The following IL2RA variants were observed in gnomAD, a reference collection of about 807,000 sequenced individuals.
IL2RA encodes interleukin-2 receptor subunit alpha.
IL2RA carries 24 observed loss-of-function variants against 37.8 expected under a neutral mutation model. The observed-to-expected ratio is 0.63, with a 90% CI of 0.46 to 0.89. The LOEUF (loss-of-function observed/expected upper bound fraction) is 0.89, where lower values mean the gene tolerates loss of function less well. Ranked by LOEUF, IL2RA falls within the 40% of genes least tolerant of loss-of-function variation. The pLI, the probability that IL2RA is intolerant of heterozygous loss-of-function variation, is 0.00. For synonymous variants in IL2RA, 125 were observed against 114.6 expected (o/e 1.09, Z -0.58); for missense variants, 319 against 348.6 (o/e 0.92, Z 0.68).
At chr10:6,040,814 T>C (rs1353826044) in intron 1 of IL2RA, among the ~76,000 whole-genome samples, 1 of 152,154 alleles carries the variant, frequency 6.6e-6, no homozygotes, top group Non-Finnish European at 1.5e-5. Flanking sequence ...AAATAATCAT[T>C]CTATGTGAGG....
Position 6,018,753 on chromosome 10 carries a change from G to T in IL2RA, c.728-634C>A, listed in dbSNP as rs1839321691. Among the ~76,000 whole-genome samples, 1 of 152,130 alleles carries T rather than the reference G, an allele frequency of 6.6e-6. No homozygotes were observed. The highest frequency in any genetic ancestry group is 6.5e-5 in the Admixed American group (1 of 15,282). ...TCACAGCATCCTGTAACTGGTTCAT[G>T]CGAATTCTGAGTTACGTCAGTATCT... On this transcript the variant is annotated intron_variant, in intron 6 of 7. Transcript: ENST00000379959. The surrounding 1 kb of genome is among the most constrained non-coding windows in gnomAD (Gnocchi z 5.1).
rs41294905 is a variant in IL2RA, at chr10:6,048,283, G to A, written c.64+13805C>T. ...TTGAGGCTGGATTATTAGGTGCATG[G>A]AGGACAGCAAGGAAGAAATGAGGAT... On this transcript the variant is annotated intron_variant, in intron 1 of 7. Coordinates refer to ENST00000379959, the MANE Select transcript of IL2RA (RefSeq NM_000417.3). This position sits in a 1 kb window ranked among gnomAD's most constrained non-coding sequence, Gnocchi z 5.3. Among the ~76,000 whole-genome samples, 671 of 152,364 alleles carry A rather than the reference G, an allele frequency of 4.4e-3. 3 individuals carry two copies. The highest frequency in any genetic ancestry group is 6.7e-3 in the Non-Finnish European group (455 of 68,026).
In IL2RA at chr10:6,046,736, A is replaced by G. The variant is rs791587; in HGVS notation, c.64+15352T>C. Among the ~76,000 whole-genome samples, 77,256 of 152,000 alleles carry G rather than the reference A, an allele frequency of 0.51. 20,093 individuals are homozygous for G. The highest frequency in any genetic ancestry group is 0.68 in the East Asian group (3,511 of 5,162). ...GGTGCTCAACTATCCCTGCCTTAAC[A>G]CAAATTCTTAGTCAACACACAACAT... On this transcript the variant is annotated intron_variant, in intron 1 of 7. Transcript: ENST00000379959. The surrounding 1 kb of genome is among the most constrained non-coding windows in gnomAD (Gnocchi z 4.8).
rs1385326961 is a variant in IL2RA at position 6,022,703 on chromosome 10, A to G, written c.368-1010T>C. The stretch of plus-strand genomic sequence containing the variant: ...CAGGATAAAAGGTTGTTTGACAGCC[A>G]GTACAATTCGTAACTGTCTGAACAT... On this transcript the variant is annotated intron_variant, in intron 3 of 7. Transcript: ENST00000379959. This position sits in a 1 kb window ranked among gnomAD's most constrained non-coding sequence, Gnocchi z 4.7. 6.6e-6 allele frequency among the ~76,000 whole-genome samples: 1 copy of G among 152,264 alleles called. No homozygotes were observed. The highest frequency in any genetic ancestry group is 1.5e-5 in the Non-Finnish European group (1 of 68,044).
rs1272354206 is a variant in IL2RA, at chr10:6,055,515, TG to T, written c.64+6572del. On this transcript the variant is annotated intron_variant, in intron 1 of 7. Transcript: ENST00000379959. ...GCACATGTTTCAGAGAGCACAGGGT[TG>T]GGGGTAAGGTCACAGATCAACAGGA... is the stretch of plus-strand genomic sequence containing the variant. 4.6e-4 allele frequency among the ~76,000 whole-genome samples: 3 copies of T among 6,498 alleles called. 1 individual carries two copies. Among genetic ancestry groups the T allele is most frequent in the African/African-American group, 6.6e-4 (3 of 4,518 alleles). 4.3% of individuals were successfully genotyped at this position (6,498 alleles called of 152,430 possible). A position where few individuals can be genotyped will look rare whatever the true frequency, so the allele number is the denominator to read the frequency against.
rs1341531516 is a variant in IL2RA at position 6,014,354 on chromosome 10, G to T, written c.795-1458C>A. Among the ~76,000 whole-genome samples, 1 of 152,098 alleles carries T rather than the reference G, an allele frequency of 6.6e-6. No individual in the cohort carries two copies. Among genetic ancestry groups the T allele is most frequent in the Non-Finnish European group, 1.5e-5 (1 of 68,016 alleles). ...TCTGTTGCCACAAGAGGGCACCATG[G>T]GTTGATATCAGATTCTAGGAAGGCT... On this transcript the variant is annotated intron_variant, in intron 7 of 7. Coordinates refer to ENST00000379959, the MANE Select transcript of IL2RA (RefSeq NM_000417.3). The surrounding 1 kb of genome is among the most constrained non-coding windows in gnomAD (Gnocchi z 4.4).
Position 6,018,096 on chromosome 10 carries a change from T to C in IL2RA, c.751A>G (p.Ile251Val), listed in dbSNP as rs780433925. The C allele has an allele frequency of 6.2e-7, 1 of 1,613,900 alleles. No homozygotes were observed. The highest frequency in any genetic ancestry group is 8.5e-7 in the Non-Finnish European group (1 of 1,179,930). The stretch of plus-strand genomic sequence containing the variant: ...AGCCCACTCAGGAGGAGGACGCTGA[T>C]CAGCAGGAAAACACAGCCGGCCACT... ...VAVAGCVFLL[I>V]SVLLLSGLTW... Residue 251 changes from isoleucine to valine, a missense_variant, in exon 7 of 8, where the codon ATC becomes GTC. Coordinates refer to ENST00000379959, the MANE Select transcript of IL2RA (RefSeq NM_000417.3). This position sits in a 1 kb window ranked among gnomAD's most constrained non-coding sequence, Gnocchi z 5.1.
intron 1 of IL2RA, among the ~76,000 whole-genome samples, chr10:6,031,200 C>T (rs190040329): frequency 3.6e-4 from 55 of 151,376 alleles, no homozygotes; most frequent in Non-Finnish European, 7.4e-4. Context: ...CAGCAGGGCC[C>T]AACTATATGC....
rs910733550 is a variant in IL2RA at position 6,051,047 on chromosome 10, C to T, written c.64+11041G>A. Among the ~76,000 whole-genome samples the T allele has an allele frequency of 4.8e-5, 7 of 145,436 alleles. No homozygotes were observed. The Admixed American group carries it at 4.9e-4, about 10-fold the overall frequency. ...GAGACGGCTCTTTTATTCTGAAACA[C>T]CCCTCCAACTTTTTTTTTTTTTTGG... On this transcript the variant is annotated intron_variant, in intron 1 of 7. Coordinates refer to ENST00000379959, the MANE Select transcript of IL2RA (RefSeq NM_000417.3).
rs908130517 is a variant in IL2RA at position 6,036,885 on chromosome 10, G to A, written c.65-10860C>T. 3.3e-5 allele frequency among the ~76,000 whole-genome samples: 5 copies of A among 152,180 alleles called. No homozygotes were observed. Among genetic ancestry groups the A allele is most frequent in the East Asian group, 1.9e-4 (1 of 5,188 alleles). On this transcript the variant is annotated intron_variant, in intron 1 of 7. Transcript: ENST00000379959. This position sits in a 1 kb window ranked among gnomAD's most constrained non-coding sequence, Gnocchi z 6.1. ...GGATGCTGAGGTTGTTCGCAGCAGC[G>A]TGTGTGCAGAGCCCCCGGGATCTTG...
rs1157967278 is a variant in IL2RA at position 6,025,318 on chromosome 10, C to T, written c.256+516G>A. On this transcript the variant is annotated intron_variant, in intron 2 of 7. Coordinates refer to ENST00000379959, the MANE Select transcript of IL2RA (RefSeq NM_000417.3). This position sits in a 1 kb window ranked among gnomAD's most constrained non-coding sequence, Gnocchi z 4.4. ...GCAGTGATCTGAGATTGTACCACCGCACCCCAGCCTGGGCAACAGAGCGAG... is the reference window on the plus strand; with the variant it reads ...GCAGTGATCTGAGATTGTACCACCGTACCCCAGCCTGGGCAACAGAGCGAG... 6.6e-6 allele frequency among the ~76,000 whole-genome samples: 1 copy of T among 152,052 alleles called. No homozygotes were observed. Among genetic ancestry groups the T allele is most frequent in the Non-Finnish European group, 1.5e-5 (1 of 68,014 alleles).
chr10:6,014,446 C>G lies in IL2RA; in HGVS notation c.795-1550G>C, dbSNP rs1238141136. 6.6e-6 allele frequency among the ~76,000 whole-genome samples: 1 copy of G among 152,178 alleles called. No homozygotes were observed. The highest frequency in any genetic ancestry group is 1.5e-5 in the Non-Finnish European group (1 of 68,042). On this transcript the variant is annotated intron_variant, in intron 7 of 7. Transcript: ENST00000379959. The surrounding 1 kb of genome is among the most constrained non-coding windows in gnomAD (Gnocchi z 4.4). Reference sequence around the variant, plus strand: ...TTGAGTCTCCCCAAAGATTGTAGTTCTGGGAGACCTTGTGGGAACTCACAT... The same window carrying G: ...TTGAGTCTCCCCAAAGATTGTAGTTGTGGGAGACCTTGTGGGAACTCACAT...
rs201522266 is a variant in IL2RA at position 6,019,458 on chromosome 10, A to G, written c.697T>C (p.Ser233Pro). Reference protein sequence around the residue: ...QTEMAATMETSIFTTEYQVAV... With the variant: ...QTEMAATMETPIFTTEYQVAV... ...ACCTGGTACTCTGTTGTAAATATGG[A>G]CGTCTCCATGGTTGCAGCCATTTCT... Residue 233 changes from serine (S) to proline (P), a missense_variant, in exon 6 of 8, where the codon TCC becomes CCC. Physicochemically the swap from Ser to Pro is moderately conservative, Grantham distance 74. Transcript: ENST00000379959. The G allele has an allele frequency of 6.2e-7, 1 of 1,613,740 alleles. No homozygotes were observed. Among genetic ancestry groups the G allele is most frequent in the African/African-American group, 1.3e-5 (1 of 75,044 alleles).
rs1839905443 is a variant in IL2RA at position 6,048,885 on chromosome 10, T to TGCCAACAGG, written c.64+13202_64+13203insCCTGTTGGC. On this transcript the variant is annotated intron_variant, in intron 1 of 7. Transcript: ENST00000379959. The surrounding 1 kb of genome is among the most constrained non-coding windows in gnomAD (Gnocchi z 5.3). ...ACACAGCTCATGCCCAACTTCAAAA[T>TGCCAACAGG]CTCTGCTTCCACTATGTGCCTGAGC... Among the ~76,000 whole-genome samples, 1 of 152,192 alleles carries TGCCAACAGG rather than the reference T, an allele frequency of 6.6e-6. No homozygotes were observed. Among genetic ancestry groups the TGCCAACAGG allele is most frequent in the Non-Finnish European group, 1.5e-5 (1 of 68,016 alleles).
chr10:6,050,859 A>T (rs1839941837), intron 1 of IL2RA, among the ~76,000 whole-genome samples: 1 of 152,128 alleles, frequency 6.6e-6, no homozygotes. Flanking sequence ...GGGGCCAGAG[A>T]AGCAGAGCTT....
intron 1 of IL2RA, among the ~76,000 whole-genome samples, chr10:6,034,986 T>C (rs1589301059): frequency 6.6e-6 from 1 of 152,200 alleles, no homozygotes; most frequent in Non-Finnish European, 1.5e-5. Context: ...AAGTGTCTGG[T>C]GCCTATGGAC....
At chr10:6,027,342 A>T (rs958773944) in intron 1 of IL2RA, among the ~76,000 whole-genome samples, 1 of 151,640 alleles carries the variant, frequency 6.6e-6, no homozygotes, top group Non-Finnish European at 1.5e-5. Context: ...AAAAACGAAG[A>T]TAGGGAGAAA....
rs370516220 is a variant in IL2RA at position 6,019,915 on chromosome 10, C to T, written c.610G>A (p.Glu204Lys). 9.3e-6 allele frequency: 15 copies of T among 1,614,006 alleles called. No individual in the cohort carries two copies. The highest frequency in any genetic ancestry group is 5.5e-5 in the South Asian group (5 of 91,092). ...GAAGTCTCACTCTCAGGACGGCCTT[C>T]GGGGCTTGCCTGAGGCTTCTCTTCA... ...PGEEKPQASP[E>K]GRPESETSCL... is the part of the protein sequence containing the mutation. The change falls in exon 5 of 8, where the codon GAA (glutamate) becomes AAA (lysine). Residue 204 changes from glutamate to lysine, a missense_variant. Coordinates refer to ENST00000379959, the MANE Select transcript of IL2RA (RefSeq NM_000417.3).
At chr10:6,017,572 A>ATT (rs71390109) in intron 7 of IL2RA, among the ~76,000 whole-genome samples, 12,529 of 104,614 alleles carry the variant, frequency 0.12, 1,178 homozygotes, top group Non-Finnish European at 0.15. Context: ...TGGTCGTTTA[A>ATT]TTTTTTTTTT....
Sources: gnomAD v4.1 joint callset for allele counts (sites outside exome capture counted in the v4.1 genomes callset) on GRCh38, gnomAD v4.1.1 for gene constraint, Gnocchi (gnomAD v3.1) non-coding constraint, MANE v1.5 for transcripts, NCBI Gene and HGNC (gene_info 2026-07-23, HGNC 2026-07-21) for gene names.